The following NEMF variants were observed in gnomAD, a reference collection of about 807,000 sequenced individuals.
NEMF encodes the protein ribosome quality control complex subunit NEMF.
NEMF carries 89 observed loss-of-function variants against 162.2 expected under a neutral mutation model. That is an observed-to-expected ratio of 0.55 (90% CI 0.46 to 0.65). NEMF has a LOEUF of 0.65. NEMF is among the 30% of genes least tolerant of loss of function. The pLI is 0.00. For synonymous variants in NEMF, 421 were observed against 404.5 expected (o/e 1.04, Z -0.49); for missense variants, 1,133 against 1,261.9 (o/e 0.90, Z 1.55).
chr14:49,802,700 T>C lies in NEMF; in HGVS notation c.1943A>G (p.Tyr648Cys). ...RGKKNFLPPS[Y>C]LMMGFSFLFK... ...AAGGAAGCTAAACCCCATCATTAGA[T>C]ATGAGGGAGGAAGAAAATTCTTTTT... Residue 648 changes from tyrosine (Y) to cysteine (C), a missense_variant, in exon 21 of 33, where the codon TAT (tyrosine) becomes TGT (cysteine). Around this residue, in one of 3 missense-constraint regions of NEMF, gnomAD observed 532 missense variants for 578.6 expected, o/e 0.92. Transcript: ENST00000298310. The C allele has an allele frequency of 6.2e-7, 1 of 1,611,492 alleles. No homozygotes were observed.
chr14:49,848,420 A>T (rs1893615364), intron 3 of NEMF, among the ~76,000 whole-genome samples: 1 of 152,204 alleles, frequency 6.6e-6, no homozygotes, highest in Non-Finnish European at 1.5e-5. Flanking sequence ...ACAAATATTG[A>T]AGTATGACAT....
In NEMF at chr14:49,783,008, TCA is replaced by T. The variant is rs1023195309; in HGVS notation, c.*1626_*1627del. ...TGCATGGACAGCAATCCTGTAAACATCACAGAGTGGCATCATTTGTATAATTA... is the reference window on the plus strand; with the variant it reads ...TGCATGGACAGCAATCCTGTAAACATCAGAGTGGCATCATTTGTATAATTA... On this transcript the variant is annotated 3_prime_UTR_variant, in exon 33 of 33. Coordinates refer to ENST00000298310, the MANE Select transcript of NEMF (RefSeq NM_004713.6). The T allele has an allele frequency of 4.2e-5, 66 of 1,555,384 alleles. No homozygotes were observed. In the African/African-American group the frequency reaches 8.5e-4, roughly 20 times the overall value.
intron 25 of NEMF, among the ~76,000 whole-genome samples, chr14:49,798,885 C>T (rs1436013631): frequency 2.6e-5 from 4 of 151,552 alleles, no homozygotes; most frequent in South Asian, 2.1e-4. Flanking sequence ...CCAGCCTGGG[C>T]GACAGAGCGA....
rs544857160 is a variant in NEMF, at chr14:49,801,429, A to C, written c.2096-733T>G. 5 of 152,034 alleles carry C rather than the reference A, an allele frequency of 3.3e-5. No homozygotes were observed. In the South Asian group the frequency reaches 8.3e-4, roughly 25 times the overall value. The allele number at this position is 152,034 out of a possible 1,614,324, so 9.4% of individuals were successfully genotyped here. The stretch of plus-strand genomic sequence containing the variant: ...CTAGAACCTGGGCGGCAGAGGTTGC[A>C]GTGAGCCGAGATTGTGCCACTGCAC... On this transcript the variant is annotated intron_variant, in intron 22 of 32. Transcript: ENST00000298310.
In NEMF at chr14:49,831,320, A is replaced by C. The variant is rs1293266442; in HGVS notation, c.924T>G (p.Ile308Met). 1 of 1,597,878 alleles carries C rather than the reference A, an allele frequency of 6.3e-7. No individual in the cohort carries two copies. The highest frequency in any genetic ancestry group is 8.6e-7 in the Non-Finnish European group (1 of 1,165,842). The change falls in exon 11 of 33, where the codon ATT becomes ATG. Residue 308 changes from isoleucine (I) to methionine (M), a missense_variant. Ile to Met is a conservative substitution (Grantham distance 10). Transcript: ENST00000298310. Reference sequence around the variant, plus strand: ...ATACCTGTTGTAAAGCTTTTAAGTCAATTTTCTGGCCTTCTATCTTGGAAT... The same window carrying C: ...ATACCTGTTGTAAAGCTTTTAAGTCCATTTTCTGGCCTTCTATCTTGGAAT... ...EFYSKIEGQK[I>M]DLKALQQEKQ...
chr14:49,802,811 A>C, intron 20 of NEMF, 84 bp from the exon 21 acceptor site: 20 of 887,694 alleles, frequency 2.3e-5, no homozygotes, highest in Non-Finnish European at 3.6e-5. Flanking sequence ...TTAGTGTCAG[A>C]TGACACTAAT....
chr14:49,836,350 A>C (rs1594793979), intron 6 of NEMF, among the ~76,000 whole-genome samples: 1 of 152,172 alleles, frequency 6.6e-6, no homozygotes, highest in East Asian at 1.9e-4. Context: ...AGTCAACTCT[A>C]AATTTTATAA....
At chr14:49,806,194 T>C in intron 18 of NEMF, 61 bp from the exon 19 acceptor site, 1 of 986,876 alleles carries the variant, frequency 1.0e-6, no homozygotes, top group Non-Finnish European at 1.5e-6. Flanking sequence ...GAGCAAGATA[T>C]GAAAATCACA....
At chr14:49,845,892 T>C in intron 4 of NEMF, 3 of 519,242 alleles carry the variant, frequency 5.8e-6, no homozygotes, top group Non-Finnish European at 1.0e-5. Flanking sequence ...ATAATTTACT[T>C]CTCAGATCTT....
Position 49,800,550 on chromosome 14 carries a change from A to C in NEMF, c.2242T>G (p.Ser748Ala). Residue 748 changes from serine to alanine, a missense_variant, in exon 23 of 33, where the codon TCT (serine) becomes GCT (alanine). This residue lies in a region of NEMF where 532 missense variants were observed against 578.6 expected (regional missense o/e 0.92). Transcript: ENST00000298310. ...TCTTCATATTCTCCTTCGTCTTCAG[A>C]GCTTTCTTCCTGAATGAGCTCCTCA... ...LNEELIQEES[S>A]EDEGEYEEVR... 1 of 1,614,008 alleles carries C rather than the reference A, an allele frequency of 6.2e-7. No individual in the cohort carries two copies. The highest frequency in any genetic ancestry group is 1.1e-5 in the South Asian group (1 of 91,078).
In NEMF at chr14:49,852,777, G is replaced by T. The variant is rs766676228; in HGVS notation, c.-24C>A. 5.0e-6 allele frequency: 8 copies of T among 1,613,628 alleles called. No homozygotes were observed. Among genetic ancestry groups the T allele is most frequent in the East Asian group, 4.5e-5 (2 of 44,886 alleles). On this transcript the variant is annotated 5_prime_UTR_variant, in exon 1 of 33. Coordinates refer to ENST00000298310, the MANE Select transcript of NEMF (RefSeq NM_004713.6). ...ATGGCGAGGCCCGAGGGTCACTACC[G>T]CAAGTTCCTCTACTGCCCGGCCGGA...
In NEMF at chr14:49,785,219, C is replaced by T; in HGVS notation, c.3029+1G>A. 2 of 1,611,766 alleles carry T rather than the reference C, an allele frequency of 1.2e-6. No individual in the cohort carries two copies. The highest frequency in any genetic ancestry group is 1.7e-6 in the Non-Finnish European group (2 of 1,177,874). ...CATTCTGTCAACTAATGGTAACTTA[C>T]TTGTAGTTTGTCATGGTGGTGTAAG... On this transcript the variant is annotated splice_donor_variant, in intron 30 of 32. Transcript: ENST00000298310. LOFTEE classifies it high-confidence loss of function.
intron 8 of NEMF, among the ~76,000 whole-genome samples, 184 bp from the exon 9 acceptor site, chr14:49,832,461 A>T (rs2072618130): frequency 6.6e-6 from 1 of 151,762 alleles, no homozygotes; most frequent in African/African-American, 2.4e-5. Context: ...CCTCCCAAGT[A>T]GCTGGGATTA....
chr14:49,829,019 C>A, intron 13 of NEMF, 35 bp downstream of exon 13: 1 of 1,547,314 alleles, frequency 6.5e-7, no homozygotes, highest in South Asian at 1.2e-5. Context: ...AAAATAAAGA[C>A]AAGCATTAAC....
At chr14:49,784,783 C>T (rs368367999) in intron 32 of NEMF, 70 bp from the exon 33 acceptor site, 74 of 1,478,818 alleles carry the variant, frequency 5.0e-5, no homozygotes, top group African/African-American at 4.3e-4. Context: ...ATGACAAAAA[C>T]GAAAAACATT....
intron 25 of NEMF, among the ~76,000 whole-genome samples, chr14:49,797,657 A>G (rs1262257447): frequency 6.6e-6 from 1 of 152,138 alleles, no homozygotes; most frequent in East Asian, 1.9e-4. Flanking sequence ...AAAACAAAAA[A>G]TCAACTATTC....
intron 16 of NEMF, among the ~76,000 whole-genome samples, chr14:49,822,761 T>C (rs570740290): frequency 1.3e-5 from 2 of 150,522 alleles, no homozygotes; most frequent in East Asian, 2.0e-4. Context: ...ACAATGTCTA[T>C]GTGTGTGATA....
chr14:49,818,084 CTTTT>C (rs983729819), intron 16 of NEMF, among the ~76,000 whole-genome samples: 1 of 132,348 alleles, frequency 7.6e-6, no homozygotes, highest in Non-Finnish European at 1.6e-5. Flanking sequence ...AGTGATGAGA[CTTTT>C]TTTTTTTTTT....
At chr14:49,808,614 C>T (rs1433680404) in intron 18 of NEMF, among the ~76,000 whole-genome samples, 1 of 151,848 alleles carries the variant, frequency 6.6e-6, no homozygotes, top group Admixed American at 6.6e-5. Context: ...CAGCTTTATA[C>T]TTCTGGCTTT....
Sources: gnomAD v4.1 joint callset for allele counts (sites outside exome capture counted in the v4.1 genomes callset) on GRCh38, gnomAD v4.1.1 for gene constraint, gnomAD v4.1.1 regional missense constraint, MANE v1.5 for transcripts, NCBI Gene and HGNC (gene_info 2026-07-23, HGNC 2026-07-21) for gene names.